OR6N1: variants seen among roughly 807,000 people sequenced by gnomAD.
OR6N1 encodes the protein olfactory receptor family 6 subfamily N member 1, also known as olfactory receptor 6N1.
For missense variants in OR6N1, 394 were observed against 371.7 expected, an observed-to-expected ratio of 1.06 and a Z score of -0.49; for synonymous variants, 170 against 150.7, an observed-to-expected ratio of 1.13 and a Z score of -0.94.
the OR6N1 span, chr1:158,795,878 A>T: frequency 3.9e-5 from 6 of 152,250 alleles, no homozygotes; most frequent in African/African-American, 1.4e-4. Context: ...GGCTTCTTTC[A>T]GTTTTCCTGT....
intron 1 of OR6N1, among the ~76,000 whole-genome samples, chr1:158,771,735 C>A (rs1558033730): frequency 6.6e-6 from 1 of 152,094 alleles, no homozygotes; most frequent in African/African-American, 2.4e-5. Flanking sequence ...ACGAAACAAA[C>A]AAACAAACAA....
At chr1:158,795,760 A>T in the OR6N1 span, among the ~76,000 whole-genome samples, 1 of 152,130 alleles carries the variant, frequency 6.6e-6, no homozygotes, top group African/African-American at 2.4e-5. Context: ...CCACTGTGGG[A>T]ATGTGTGTCA....
upstream of OR6N1, chr1:158,776,920 G>C (rs1372859026): frequency 6.2e-7 from 1 of 1,614,078 alleles, no homozygotes; most frequent in Non-Finnish European, 8.5e-7. Flanking sequence ...GGCACAGGTA[G>C]AAAAGGCCTT....
At chr1:158,773,746 C>T (rs1436524182), upstream of OR6N1, among the ~76,000 whole-genome samples, 3 of 152,120 alleles carry the variant, frequency 2.0e-5, no homozygotes, top group African/African-American at 7.2e-5. Flanking sequence ...AGGCCATAGT[C>T]TATCCTAGCA....
chr1:158,823,586 G>A, the OR6N1 span, among the ~76,000 whole-genome samples: 1 of 151,510 alleles, frequency 6.6e-6, no homozygotes, highest in Non-Finnish European at 1.5e-5. Flanking sequence ...GTGCTTATTT[G>A]GATCGTCTCT....
the OR6N1 span, among the ~76,000 whole-genome samples, chr1:158,822,280 A>G: frequency 6.6e-6 from 1 of 152,212 alleles, no homozygotes; most frequent in Non-Finnish European, 1.5e-5. Flanking sequence ...TTGAATTTGT[A>G]ACTTGCTTTA....
At chr1:158,789,582 A>G in the OR6N1 span, among the ~76,000 whole-genome samples, 4 of 152,176 alleles carry the variant, frequency 2.6e-5, no homozygotes, top group African/African-American at 9.7e-5. Flanking sequence ...TTCTCTGATC[A>G]ATAGTGAGGT....
chr1:158,818,280 A>T, the OR6N1 span, among the ~76,000 whole-genome samples: 2 of 152,162 alleles, frequency 1.3e-5, no homozygotes, highest in Non-Finnish European at 2.9e-5. Context: ...TTATATAGCC[A>T]CCTTAGTGGT....
chr1:158,818,706 G>A, the OR6N1 span, among the ~76,000 whole-genome samples: 17 of 152,244 alleles, frequency 1.1e-4, no homozygotes, highest in East Asian at 1.9e-4. Context: ...TACAAAACAG[G>A]TCTTAAACAT....
chr1:158,836,683 T>A, the OR6N1 span, among the ~76,000 whole-genome samples: 949 of 151,886 alleles, frequency 6.2e-3, 11 homozygotes, highest in African/African-American at 0.022. Context: ...CTCTTTTTTT[T>A]ATTGATTTTC....
At chr1:158,827,804 T>C in the OR6N1 span, among the ~76,000 whole-genome samples, 1 of 152,300 alleles carries the variant, frequency 6.6e-6, no homozygotes, top group South Asian at 2.1e-4. Context: ...AAAAAGGGCA[T>C]GTATTAGTCC....
chr1:158,785,747 C>G, the OR6N1 span, among the ~76,000 whole-genome samples: 2 of 152,110 alleles, frequency 1.3e-5, no homozygotes, highest in African/African-American at 4.8e-5. Flanking sequence ...TAATATGTAA[C>G]CACTTATTAA....
At chr1:158,796,553 G>A in the OR6N1 span, among the ~76,000 whole-genome samples, 1 of 151,950 alleles carries the variant, frequency 6.6e-6, no homozygotes, top group African/African-American at 2.4e-5. Flanking sequence ...CTAATTTCCA[G>A]GGTTCCTATT....
chr1:158,822,988 T>C, the OR6N1 span, among the ~76,000 whole-genome samples: 1 of 152,222 alleles, frequency 6.6e-6, no homozygotes, highest in Admixed American at 6.5e-5. Flanking sequence ...TGTTTTTAGC[T>C]GTTTTTATGT....
chr1:158,769,869 T>C (rs948602254), intron 1 of OR6N1, among the ~76,000 whole-genome samples: 1 of 152,240 alleles, frequency 6.6e-6, no homozygotes, highest in Non-Finnish European at 1.5e-5. Flanking sequence ...GTCTTAGTTT[T>C]TCTCACCGCA....
At chr1:158,799,909 T>C in the OR6N1 span, among the ~76,000 whole-genome samples, 2 of 152,134 alleles carry the variant, frequency 1.3e-5, no homozygotes, top group Non-Finnish European at 2.9e-5. Flanking sequence ...CTATGACTCA[T>C]TGTATCTGCT....
chr1:158,766,116 G>A lies in OR6N1; in HGVS notation c.567C>T (p.Cys189=), dbSNP rs747962741. ...CDFPPVLSLA[C]TDTSINVLVD... ...CTAGGACATTTATAGACGTATCAGT[G>A]CAAGCCAAACTCAGCACAGGAGGGA... Residue 189 remains cysteine (C), a synonymous_variant, in exon 2 of 2, where the codon TGC becomes TGT. Coordinates refer to ENST00000641846, the MANE Select transcript of OR6N1 (RefSeq NM_001005185.2). 2.5e-6 allele frequency: 4 copies of A among 1,614,162 alleles called. No homozygotes were observed. In the South Asian group the frequency reaches 4.4e-5, roughly 18 times the overall value.
the OR6N1 span, among the ~76,000 whole-genome samples, chr1:158,801,204 G>C: frequency 6.6e-6 from 1 of 151,980 alleles, no homozygotes; most frequent in Admixed American, 6.6e-5. Context: ...GTCTGTCTGT[G>C]TGTGTATGTG....
chr1:158,800,465 T>C, the OR6N1 span, among the ~76,000 whole-genome samples: 1 of 152,204 alleles, frequency 6.6e-6, no homozygotes, highest in Non-Finnish European at 1.5e-5. Context: ...GAAAAGAGAA[T>C]ATAGTCCGTA....
Sources: gnomAD v4.1 joint callset for allele counts (sites outside exome capture counted in the v4.1 genomes callset) on GRCh38, gnomAD v4.1.1 for gene constraint, MANE v1.5 for transcripts, NCBI Gene and HGNC (gene_info 2026-07-23, HGNC 2026-07-21) for gene names.